The following SLC35F4 variants were observed in gnomAD, a reference collection of about 807,000 sequenced individuals.
SLC35F4 encodes the protein chromosome 14 open reading frame 36.
A neutral mutation model predicts 44.2 loss-of-function variants in SLC35F4; 24 were observed. The ratio of observed to expected loss-of-function variants is 0.54; its 90% CI spans 0.39 to 0.76. The LOEUF (loss-of-function observed/expected upper bound fraction) is 0.76, where lower values mean the gene tolerates loss of function less well. SLC35F4 is among the 30% of genes least tolerant of loss of function. SLC35F4 has a pLI of 0.00. For missense variants in SLC35F4, 562 were observed against 586.1 expected, an observed-to-expected ratio of 0.96 and a Z score of 0.42; for synonymous variants, 238 against 223.6, an observed-to-expected ratio of 1.06 and a Z score of -0.57.
At chr14:57,883,508 T>A (rs1888584852) in intron 1 of SLC35F4, among the ~76,000 whole-genome samples, 1 of 152,148 alleles carries the variant, frequency 6.6e-6, no homozygotes, top group South Asian at 2.1e-4. Flanking sequence ...ATCTCTGGAA[T>A]TGGGAAGGAC....
chr14:57,895,288 A>G (rs12434415), intron 1 of SLC35F4, among the ~76,000 whole-genome samples: 18,401 of 152,138 alleles, frequency 0.12, 1,406 homozygotes, highest in East Asian at 0.4. Flanking sequence ...ATGTATTATT[A>G]TTTTAGTAAT....
intron 1 of SLC35F4, among the ~76,000 whole-genome samples, chr14:57,824,524 T>C (rs978674479): frequency 2.6e-5 from 4 of 152,200 alleles, no homozygotes; most frequent in African/African-American, 9.7e-5. Context: ...TGTTTGATGA[T>C]GACAAATGCT....
At chr14:57,977,670 G>T (rs1382541723) in intron 1 of SLC35F4, among the ~76,000 whole-genome samples, 2 of 152,136 alleles carry the variant, frequency 1.3e-5, no homozygotes, top group Non-Finnish European at 2.9e-5. Context: ...AAGTCTCATG[G>T]CACTTAACCT....
At chr14:57,866,180 G>A (rs1888147414), upstream of SLC35F4, 1 of 159,344 alleles carries the variant, frequency 6.3e-6, no homozygotes, top group South Asian at 1.9e-4. Flanking sequence ...TAACCCTTGC[G>A]CGATCCTTCC....
At chr14:57,965,962 C>A (rs1890430744) in intron 1 of SLC35F4, among the ~76,000 whole-genome samples, 1 of 152,152 alleles carries the variant, frequency 6.6e-6, no homozygotes, top group Admixed American at 6.5e-5. Flanking sequence ...CAGAGCAGGC[C>A]TTGACAAAGC....
rs140539891 is a variant in SLC35F4 at position 57,574,550 on chromosome 14, C to T, written c.808-2531G>A. ...TATAGTATGTTCCTGGGGCAGGGTG[C>T]GGGTGGAGGGTATAGTGGGAATAGA... is the stretch of plus-strand genomic sequence containing the variant. On this transcript the variant is annotated intron_variant, in intron 4 of 7. Coordinates refer to ENST00000556826, the MANE Select transcript of SLC35F4 (RefSeq NM_001306087.2). Among the ~76,000 whole-genome samples, 353 of 152,056 alleles carry T rather than the reference C, an allele frequency of 2.3e-3. 2 individuals are homozygous for T. The highest frequency in any genetic ancestry group is 7.5e-3 in the African/African-American group (310 of 41,480).
chr14:57,927,598 C>A (rs1889605374), intron 1 of SLC35F4, among the ~76,000 whole-genome samples: 1 of 151,374 alleles, frequency 6.6e-6, no homozygotes, highest in African/African-American at 2.4e-5. Context: ...TCAAATAATT[C>A]TCCTGCCTCA....
At chr14:57,943,730 T>C (rs558076417) in intron 1 of SLC35F4, among the ~76,000 whole-genome samples, 2 of 152,334 alleles carry the variant, frequency 1.3e-5, no homozygotes, top group African/African-American at 4.8e-5. Flanking sequence ...TACTATTCGA[T>C]TCAGTTAACC....
intron 1 of SLC35F4, among the ~76,000 whole-genome samples, chr14:57,752,741 G>A (rs1362833692): frequency 1.3e-5 from 2 of 152,170 alleles, no homozygotes; most frequent in Non-Finnish European, 2.9e-5. Flanking sequence ...TTACAGGCGT[G>A]AGCCACTGCA....
chr14:57,582,220 A>T (rs2069331485), intron 3 of SLC35F4, among the ~76,000 whole-genome samples: 1 of 151,174 alleles, frequency 6.6e-6, no homozygotes, highest in African/African-American at 2.4e-5. Flanking sequence ...TTTTCCCCCT[A>T]GGTCTGGCTC....
intron 1 of SLC35F4, among the ~76,000 whole-genome samples, chr14:57,910,381 A>G (rs1480549074): frequency 1.3e-5 from 2 of 152,028 alleles, no homozygotes; most frequent in Non-Finnish European, 2.9e-5. Flanking sequence ...ATCATACCCA[A>G]GGTCACTTAG....
intron 1 of SLC35F4, among the ~76,000 whole-genome samples, chr14:57,930,358 G>T (rs541611400): frequency 6.6e-6 from 1 of 152,212 alleles, no homozygotes; most frequent in South Asian, 2.1e-4. Context: ...GCATCCCTCT[G>T]GCAGCAACAA....
At chr14:57,810,842 C>T (rs755214237) in intron 1 of SLC35F4, among the ~76,000 whole-genome samples, 2 of 152,190 alleles carry the variant, frequency 1.3e-5, no homozygotes, top group African/African-American at 2.4e-5. Flanking sequence ...AGACTATACA[C>T]ACCTGGAAGG....
chr14:57,670,561 C>T (rs1045756455), intron 1 of SLC35F4, among the ~76,000 whole-genome samples: 1 of 151,948 alleles, frequency 6.6e-6, no homozygotes, highest in Non-Finnish European at 1.5e-5. Context: ...CAAAGAACAT[C>T]TTTATTTCTG....
At chr14:57,712,404 G>A (rs2075836801) in intron 1 of SLC35F4, among the ~76,000 whole-genome samples, 1 of 152,180 alleles carries the variant, frequency 6.6e-6, no homozygotes. Context: ...ATGATTAACA[G>A]GGAAATATCC....
Position 57,944,829 on chromosome 14 carries a change from G to C in SLC35F4, n.282+37084C>G, listed in dbSNP as rs202223654. Among the ~76,000 whole-genome samples the C allele has an allele frequency of 4.2e-4, 64 of 152,240 alleles. No homozygotes were observed. The East Asian group carries it at 0.011, about 27-fold the overall frequency. ...AAAGAAAACCTGACAGAGCCAGGAA[G>C]GCCATGAGGAGACAAGTTCTCCCAC... On this transcript the variant is annotated intron_variant and non_coding_transcript_variant, in intron 1 of 1. Transcript: ENST00000556568.
upstream of SLC35F4, among the ~76,000 whole-genome samples, chr14:57,982,401 G>A (rs12586696): frequency 0.022 from 3,309 of 152,280 alleles, 242 homozygotes; most frequent in East Asian, 0.29. Flanking sequence ...TGCCGACAGG[G>A]CTTCCAGGCA....
chr14:57,962,263 G>C (rs1378017881), intron 1 of SLC35F4, among the ~76,000 whole-genome samples: 2 of 152,120 alleles, frequency 1.3e-5, no homozygotes, highest in African/African-American at 2.4e-5. Flanking sequence ...CAAGAGTCCA[G>C]GATTAAAGAG....
intron 1 of SLC35F4, among the ~76,000 whole-genome samples, chr14:57,782,661 A>G (rs1253721395): frequency 6.6e-6 from 1 of 152,248 alleles, no homozygotes; most frequent in Non-Finnish European, 1.5e-5. Context: ...TGTGAGCTCA[A>G]GTGTTGTCAG....
Sources: allele counts gnomAD v4.1 joint callset (sites outside exome capture counted in the v4.1 genomes callset), GRCh38; gene constraint gnomAD v4.1.1; transcripts MANE v1.5; gene names NCBI Gene and HGNC (gene_info 2026-07-23, HGNC 2026-07-21).